Variants in FAM227A observed in about 807,000 individuals in gnomAD.
The protein encoded by FAM227A is family with sequence similarity 227 member A.
In FAM227A, 80 loss-of-function variants were observed where a neutral mutation model predicts 74.7. The observed-to-expected ratio is 1.07, with a 90% CI of 0.89 to 1.29. The LOEUF (loss-of-function observed/expected upper bound fraction) is 1.29. Ranked by LOEUF, FAM227A falls within the 50% of genes most tolerant of loss-of-function variation. The pLI, the probability that FAM227A is intolerant of heterozygous loss-of-function variation, is 0.00. For missense variants in FAM227A, 654 were observed against 683.4 expected, an observed-to-expected ratio of 0.96 and a Z score of 0.48; for synonymous variants, 237 against 241.8, an observed-to-expected ratio of 0.98 and a Z score of 0.19.
Position 38,598,315 on chromosome 22 carries a change from C to T in FAM227A, c.1380-959G>A, listed in dbSNP as rs137961432. 2.6e-5 allele frequency among the ~76,000 whole-genome samples: 4 copies of T among 152,186 alleles called. No homozygotes were observed. In the East Asian group the frequency reaches 7.7e-4, roughly 29 times the overall value. On this transcript the variant is annotated intron_variant, in intron 14 of 16. Transcript: ENST00000535113. ...ACACTGTAAGTTTGGTATAACTATCCAAATTTTAGGAATGAGTAGATAAAG... is the reference window on the plus strand; with the variant it reads ...ACACTGTAAGTTTGGTATAACTATCTAAATTTTAGGAATGAGTAGATAAAG...
chr22:38,612,648 C>T (rs562223849), intron 11 of FAM227A, among the ~76,000 whole-genome samples: 2 of 152,142 alleles, frequency 1.3e-5, no homozygotes, highest in Non-Finnish European at 2.9e-5. Context: ...ATGCACCACC[C>T]CTGCCTGAGA....
intron 10 of FAM227A, 126 bp from the exon 11 acceptor site, chr22:38,620,417 T>C (rs2091662979): frequency 1.4e-6 from 1 of 692,340 alleles, no homozygotes; most frequent in Admixed American, 2.4e-5. Context: ...GTCTCTCTGT[T>C]GACTCCACCT....
Position 38,583,010 on chromosome 22 carries a change from G to C in FAM227A, c.*3115C>G. 1 of 1,525,742 alleles carries C rather than the reference G, an allele frequency of 6.6e-7. No homozygotes were observed. Among genetic ancestry groups the C allele is most frequent in the Non-Finnish European group, 8.9e-7 (1 of 1,126,336 alleles). The allele number at this position is 1,525,742 out of a possible 1,614,324, so 94.5% of individuals were successfully genotyped here. A position where few individuals can be genotyped will look rare whatever the true frequency, so the allele number is the denominator to read the frequency against. ...GGTCCAGAAGCAGCAACAGACAAAAGATCCAGAAATAGGAAAGTGTGGTTC... is the reference window on the plus strand; with the variant it reads ...GGTCCAGAAGCAGCAACAGACAAAACATCCAGAAATAGGAAAGTGTGGTTC... On this transcript the variant is annotated 3_prime_UTR_variant, in exon 17 of 17. Coordinates refer to ENST00000535113, the MANE Select transcript of FAM227A (RefSeq NM_001013647.2).
At chr22:38,646,699 TC>T (rs1326609993) in intron 2 of FAM227A, among the ~76,000 whole-genome samples, 1 of 152,022 alleles carries the variant, frequency 6.6e-6, no homozygotes. Flanking sequence ...CGGCCACTCT[TC>T]CATTCATTAT....
chr22:38,628,996 G>A, intron 6 of FAM227A, 61 bp from the exon 7 acceptor site: 1 of 1,050,196 alleles, frequency 9.5e-7, no homozygotes, highest in Non-Finnish European at 1.4e-6. Context: ...TCCATCTGGA[G>A]TCAATGTATT....
intron 13 of FAM227A, among the ~76,000 whole-genome samples, chr22:38,601,210 C>A (rs1451237831): frequency 6.6e-6 from 1 of 151,968 alleles, no homozygotes; most frequent in Non-Finnish European, 1.5e-5. Flanking sequence ...CTAATAAGAT[C>A]AATCAGGCCA....
chr22:38,638,615 T>C (rs1359004136), intron 5 of FAM227A, 131 bp downstream of exon 5: 4 of 703,184 alleles, frequency 5.7e-6, no homozygotes, highest in Non-Finnish European at 1.0e-5. Context: ...AAATTCTAGA[T>C]TCAGGAGCTC....
At chr22:38,621,536 T>C (rs529269900) in intron 10 of FAM227A, among the ~76,000 whole-genome samples, 3 of 150,570 alleles carry the variant, frequency 2.0e-5, no homozygotes, top group African/African-American at 4.9e-5. Flanking sequence ...ACCTGGGAGG[T>C]GGAGGTTGCA....
intron 3 of FAM227A, among the ~76,000 whole-genome samples, chr22:38,643,528 G>A (rs1183576491): frequency 4.6e-5 from 7 of 152,124 alleles, no homozygotes; most frequent in East Asian, 3.8e-4. Context: ...ACGTGGAGCC[G>A]CAAGAACCCT....
chr22:38,586,334 T>A, intron 16 of FAM227A, 135 bp from the exon 17 acceptor site: 1 of 990,676 alleles, frequency 1.0e-6, no homozygotes, highest in Non-Finnish European at 1.5e-6. Context: ...TGCTCCTGCC[T>A]CCAGAGAAAG....
At position 38,605,245 on chromosome 22, in the gene FAM227A, T is replaced by C. The variant is rs1366177639; in HGVS notation, c.1221+9A>G. 7 of 1,494,226 alleles carry C rather than the reference T, an allele frequency of 4.7e-6. No homozygotes were observed. The highest frequency in any genetic ancestry group is 1.7e-4 in the Middle Eastern group (1 of 5,912). 92.6% of individuals were successfully genotyped at this position (1,494,226 alleles called of 1,614,324 possible). ...ACCTTTACTATTAAATTTCCAATCA[T>C]GTGCTCACCTTTTTAGGAAACATAT... On this transcript the variant is annotated intron_variant, in intron 13 of 16. Coordinates refer to ENST00000535113, the MANE Select transcript of FAM227A (RefSeq NM_001013647.2).
rs1337045718 is a variant in FAM227A at position 38,583,994 on chromosome 22, C to T, written c.*2131G>A. On this transcript the variant is annotated 3_prime_UTR_variant, in exon 17 of 17. Transcript: ENST00000535113. ...GTGCCTTGAAGCTCAAATGATAAAA[C>T]CTATGCCCTTCAGCCCAGCTGCTGG... The T allele has an allele frequency of 6.6e-6, 1 of 152,422 alleles. No individual in the cohort carries two copies. Among genetic ancestry groups the T allele is most frequent in the Non-Finnish European group, 1.5e-5 (1 of 68,228 alleles). 9.4% of individuals were successfully genotyped at this position (152,422 alleles called of 1,614,324 possible). A position where few individuals can be genotyped will look rare whatever the true frequency, so the allele number is the denominator to read the frequency against.
At chr22:38,641,819 G>A (rs1340169134) in intron 3 of FAM227A, among the ~76,000 whole-genome samples, 1 of 151,998 alleles carries the variant, frequency 6.6e-6, no homozygotes, top group Non-Finnish European at 1.5e-5. Context: ...ACAAATACAC[G>A]ACATTGCCAA....
rs1295169328 is a variant in FAM227A, at chr22:38,597,289, T to C, written c.1447A>G (p.Asn483Asp). Residue 483 changes from asparagine to aspartate, a missense_variant, in exon 15 of 17, where the codon AAC becomes GAC. Asn to Asp is a conservative substitution (Grantham distance 23). Coordinates refer to ENST00000535113, the MANE Select transcript of FAM227A (RefSeq NM_001013647.2). ...TLCSMKKRKD[N>D]LNQLYQHHWT... ...TGATGCTGGTACAACTGATTGAGGT[T>C]GTCTTTCCGCTTCTTCATGCTGCAC... 4 of 1,551,994 alleles carry C rather than the reference T, an allele frequency of 2.6e-6. No homozygotes were observed. The African/African-American group carries it at 5.5e-5, about 21-fold the overall frequency.
chr22:38,611,661 A>G (rs2091417220), intron 11 of FAM227A, among the ~76,000 whole-genome samples: 1 of 152,124 alleles, frequency 6.6e-6, no homozygotes, highest in South Asian at 2.1e-4. Flanking sequence ...ATGGAAATGT[A>G]GGTCTCCTGG....
Position 38,605,347 on chromosome 22 carries a change from C to G in FAM227A, c.1128G>C (p.Glu376Asp), listed in dbSNP as rs1226492653. The G allele has an allele frequency of 1.3e-6, 2 of 1,533,652 alleles. No homozygotes were observed. Among genetic ancestry groups the G allele is most frequent in the Non-Finnish European group, 1.8e-6 (2 of 1,130,382 alleles). Residue 376 changes from glutamate to aspartate, a missense_variant and splice_region_variant, in exon 13 of 17, where the codon GAG becomes GAC. Physicochemically the swap from Glu to Asp is conservative, Grantham distance 45. Coordinates refer to ENST00000535113, the MANE Select transcript of FAM227A (RefSeq NM_001013647.2). ...KSLRMQNTAK[E>D]HHCQTLVLKK... ...TCAAGACCAGGGTCTGACAATGATG[C>G]TCTGTCAATGTGACATTAGCAAGAA...
intron 3 of FAM227A, among the ~76,000 whole-genome samples, chr22:38,644,763 G>C (rs950832855): frequency 2.0e-5 from 3 of 152,170 alleles, no homozygotes; most frequent in African/African-American, 7.2e-5. Flanking sequence ...CTCTCTGCTC[G>C]ATTTCGCTGT....
At chr22:38,598,962 T>C (rs1024696758) in intron 14 of FAM227A, among the ~76,000 whole-genome samples, 7 of 151,278 alleles carry the variant, frequency 4.6e-5, no homozygotes, top group Non-Finnish European at 8.9e-5. Flanking sequence ...TCTTTCTTTT[T>C]TTTTTTTTTT....
At chr22:38,591,215 T>G in intron 16 of FAM227A, 4 of 826,042 alleles carry the variant, frequency 4.8e-6, no homozygotes, top group Non-Finnish European at 5.0e-6. Flanking sequence ...TCCCAGCTAC[T>G]CAGGAGGCTG....
Sources: gnomAD v4.1 joint callset for allele counts (sites outside exome capture counted in the v4.1 genomes callset) on GRCh38, gnomAD v4.1.1 for gene constraint, MANE v1.5 for transcripts, NCBI Gene and HGNC (gene_info 2026-07-23, HGNC 2026-07-21) for gene names.